EFR3A: variants seen among roughly 807,000 people sequenced by gnomAD.
EFR3A encodes protein EFR3 homolog A.
A neutral mutation model predicts 104.4 loss-of-function variants in EFR3A; 76 were observed. That is an observed-to-expected ratio of 0.73 (90% CI 0.60 to 0.88). The LOEUF is 0.88. EFR3A is among the 40% of genes least tolerant of loss of function. EFR3A has a pLI of 0.00. For synonymous variants in EFR3A, 330 were observed against 330.0 expected (o/e 1.00, Z 0.00); for missense variants, 985 against 1,012.5 (o/e 0.97, Z 0.37).
In EFR3A at chr8:132,002,656, A is replaced by G. The variant is rs1422336626; in HGVS notation, c.2260A>G (p.Lys754Glu). 4 of 1,613,810 alleles carry G rather than the reference A, an allele frequency of 2.5e-6. No individual in the cohort carries two copies. The highest frequency in any genetic ancestry group is 3.4e-6 in the Non-Finnish European group (4 of 1,179,756). Residue 754 changes from lysine to glutamate, a missense_variant, in exon 21 of 23, where the codon AAA (lysine) becomes GAA (glutamate). Physicochemically the swap from Lys to Glu is moderately conservative, Grantham distance 56. Coordinates refer to ENST00000254624, the MANE Select transcript of EFR3A (RefSeq NM_015137.6). ...GGAAAAGAGGCGTCTTGTGATAGAG[A>G]AATTTCAGAAAGCACCTTTTGAAGA... ...EKEKRRLVIE[K>E]FQKAPFEEIA...
At chr8:131,996,112 T>C (rs1322940406) in intron 18 of EFR3A, among the ~76,000 whole-genome samples, 3 of 152,178 alleles carry the variant, frequency 2.0e-5, no homozygotes, top group Admixed American at 2.0e-4. Context: ...ACTTGCTTTT[T>C]TTAATTAAAC....
At position 131,979,022 on chromosome 8, in the gene EFR3A, A is replaced by T. The variant is rs781249274; in HGVS notation, c.1499+3A>T. On this transcript the variant is annotated splice_donor_region_variant and intron_variant, in intron 13 of 22. Coordinates refer to ENST00000254624, the MANE Select transcript of EFR3A (RefSeq NM_015137.6). ...AGGGCAAAGCTTCGAGGGATCAGGT[A>T]ATGTGCCATTTTGAAATGGATCTAA... 6.3e-7 allele frequency: 1 copy of T among 1,599,616 alleles called. No individual in the cohort carries two copies. Among genetic ancestry groups the T allele is most frequent in the East Asian group, 2.2e-5 (1 of 44,570 alleles).
intron 22 of EFR3A, among the ~76,000 whole-genome samples, chr8:132,009,160 G>A (rs142878231): frequency 1.3e-5 from 2 of 152,056 alleles, no homozygotes; most frequent in African/African-American, 4.8e-5. Flanking sequence ...ATTAATATCT[G>A]TGCATTTATT....
At chr8:131,924,180 T>C in intron 1 of EFR3A, 1 of 392,370 alleles carries the variant, frequency 2.5e-6, no homozygotes, top group Admixed American at 2.8e-5. Context: ...TATTAGCATT[T>C]TATGCCAAAG....
chr8:132,008,445 C>T (rs555186692), intron 22 of EFR3A, among the ~76,000 whole-genome samples: 3 of 151,868 alleles, frequency 2.0e-5, no homozygotes, highest in African/African-American at 7.2e-5. Context: ...TCCATTAGCA[C>T]GAGAACAGAC....
At chr8:131,911,618 G>C (rs1200795606) in intron 1 of EFR3A, among the ~76,000 whole-genome samples, 1 of 152,154 alleles carries the variant, frequency 6.6e-6, no homozygotes, top group Non-Finnish European at 1.5e-5. Context: ...TGGAGAAAAG[G>C]CATACAAATT....
At chr8:131,920,419 G>A (rs1816948052) in intron 1 of EFR3A, among the ~76,000 whole-genome samples, 1 of 152,136 alleles carries the variant, frequency 6.6e-6, no homozygotes, top group African/African-American at 2.4e-5. Context: ...AGCATAAAAG[G>A]CTTCTTTTTT....
chr8:131,955,894 A>T lies in EFR3A; in HGVS notation c.765A>T (p.Arg255Ser). 1 of 1,612,734 alleles carries T rather than the reference A, an allele frequency of 6.2e-7. No homozygotes were observed. The highest frequency in any genetic ancestry group is 8.5e-7 in the Non-Finnish European group (1 of 1,179,234). ...TTGGGAATATGAATAATGCTGTTAG[A>T]CCAGTTTTTGCGTAAGTAGTTGGTG... ...ATFGNMNNAV[R>S]PVFAHLDHHK... The change falls in exon 7 of 23, where the codon AGA (arginine) becomes AGT (serine). Residue 255 changes from arginine (R) to serine (S), a missense_variant. Coordinates refer to ENST00000254624, the MANE Select transcript of EFR3A (RefSeq NM_015137.6).
intron 1 of EFR3A, chr8:131,938,347 G>T: frequency 5.0e-6 from 2 of 397,064 alleles, no homozygotes; most frequent in South Asian, 2.6e-4. Context: ...TACTTGTTCT[G>T]ATATTTATAA....
At chr8:131,963,365 G>T (rs1287290344) in intron 8 of EFR3A, among the ~76,000 whole-genome samples, 1 of 151,948 alleles carries the variant, frequency 6.6e-6, no homozygotes, top group Non-Finnish European at 1.5e-5. Flanking sequence ...TCAAATAGAT[G>T]CAATAAAAAA....
intron 1 of EFR3A, among the ~76,000 whole-genome samples, chr8:131,904,998 C>T (rs1373733667): frequency 1.3e-5 from 2 of 152,200 alleles, no homozygotes; most frequent in Non-Finnish European, 2.9e-5. Context: ...GTTACCAAGG[C>T]ACCCCAAAGT....
At chr8:131,927,785 C>T (rs973398879) in intron 1 of EFR3A, among the ~76,000 whole-genome samples, 2 of 151,676 alleles carry the variant, frequency 1.3e-5, no homozygotes, top group African/African-American at 4.9e-5. Context: ...ATTGAATTAT[C>T]GTTTATTATT....
chr8:131,998,803 A>T (rs1474333973), intron 19 of EFR3A, among the ~76,000 whole-genome samples: 1 of 152,030 alleles, frequency 6.6e-6, no homozygotes, highest in Non-Finnish European at 1.5e-5. Flanking sequence ...ATTTTTAGAG[A>T]GTATAAATTG....
intron 22 of EFR3A, among the ~76,000 whole-genome samples, chr8:132,009,399 A>C (rs574075114): frequency 6.6e-6 from 1 of 152,118 alleles, no homozygotes; most frequent in Non-Finnish European, 1.5e-5. Flanking sequence ...GCTAAGGTCA[A>C]TGTGAAAGAA....
intron 5 of EFR3A, among the ~76,000 whole-genome samples, chr8:131,953,023 A>G (rs1244786190): frequency 2.0e-5 from 3 of 152,182 alleles, no homozygotes; most frequent in East Asian, 3.8e-4. Flanking sequence ...TGGGCCACCA[A>G]GTTAGCTCTG....
intron 1 of EFR3A, 184 bp from the exon 2 acceptor site, chr8:131,940,315 T>A: frequency 1.6e-6 from 1 of 617,928 alleles, no homozygotes; most frequent in Non-Finnish European, 2.7e-6. Context: ...TGTGTGTCTT[T>A]GGAGTAAGGA....
At chr8:131,904,343 C>T (rs1158017113) in intron 1 of EFR3A, 21 bp downstream of exon 1, 4 of 1,247,810 alleles carry the variant, frequency 3.2e-6, no homozygotes, top group Non-Finnish European at 4.0e-6. Context: ...GGCCGAGGGC[C>T]GGGGGCGTTG....
rs546959697 is a variant in EFR3A at position 131,924,842 on chromosome 8, G to A, written c.11-15657G>A. On this transcript the variant is annotated intron_variant, in intron 1 of 22. Coordinates refer to ENST00000254624, the MANE Select transcript of EFR3A (RefSeq NM_015137.6). The stretch of plus-strand genomic sequence containing the variant: ...CTTCTAAGAAGCTTTTCTAGACTTC[G>A]ATTTTTCTCATTTCTCTTATATTTT... 1.3e-4 allele frequency among the ~76,000 whole-genome samples: 20 copies of A among 152,096 alleles called. No homozygotes were observed. The South Asian group carries it at 2.1e-3, about 16-fold the overall frequency.
At chr8:131,906,753 G>A (rs768695408) in intron 1 of EFR3A, among the ~76,000 whole-genome samples, 6 of 152,174 alleles carry the variant, frequency 3.9e-5, no homozygotes, top group East Asian at 1.9e-4. Flanking sequence ...TTTTGTGGTC[G>A]TGTTACAAGC....
Sources: allele counts gnomAD v4.1 joint callset (sites outside exome capture counted in the v4.1 genomes callset), GRCh38; gene constraint gnomAD v4.1.1; transcripts MANE v1.5; gene names NCBI Gene and HGNC (gene_info 2026-07-23, HGNC 2026-07-21).